The following FANCI variants were observed in gnomAD, a reference collection of about 807,000 sequenced individuals.
FANCI encodes the protein FA complementation group I, also known as Fanconi anemia group I protein.
FANCI carries 156 observed loss-of-function variants against 176.1 expected under a neutral mutation model. That is an observed-to-expected ratio of 0.89 (90% confidence interval 0.78 to 1.01). The LOEUF (loss-of-function observed/expected upper bound fraction) is 1.01. FANCI is among the 50% of genes least tolerant of loss of function. The pLI is 0.00. For synonymous variants in FANCI, 613 were observed against 541.7 expected (o/e 1.13, Z -1.83); for missense variants, 1,678 against 1,534.1 (o/e 1.09, Z -1.57).
intron 16 of FANCI, chr15:89,282,866 T>C: frequency 2.2e-6 from 1 of 446,186 alleles, no homozygotes; most frequent in Non-Finnish European, 4.2e-6. Context: ...CTCAGCAGTC[T>C]TCTTATTCCT....
At chr15:89,304,822 G>A (rs1430719421) in intron 28 of FANCI, among the ~76,000 whole-genome samples, 1 of 151,866 alleles carries the variant, frequency 6.6e-6, no homozygotes, top group Non-Finnish European at 1.5e-5. Context: ...TGTTGCCCAG[G>A]CAGGAATGCA....
In FANCI at chr15:89,314,594, T is replaced by TA; in HGVS notation, c.3721-17dup. 6.3e-7 allele frequency: 1 copy of TA among 1,590,946 alleles called. No individual in the cohort carries two copies. Among genetic ancestry groups the TA allele is most frequent in the East Asian group, 2.2e-5 (1 of 44,776 alleles). On this transcript the variant is annotated splice_polypyrimidine_tract_variant and intron_variant, in intron 35 of 37. Transcript: ENST00000310775. ...ACCATTGAACCTGAAATTTAAGTCTTATGTTCTTTGCCCTTAGGCCAGAGT... is the reference window on the plus strand; with the variant it reads ...ACCATTGAACCTGAAATTTAAGTCTTAATGTTCTTTGCCCTTAGGCCAGAGT...
At chr15:89,304,043 C>T in intron 28 of FANCI, 128 bp downstream of exon 28, 2 of 845,260 alleles carry the variant, frequency 2.4e-6, no homozygotes, top group East Asian at 2.6e-5. Context: ...AAACAGACAC[C>T]TAATACCAAG....
At chr15:89,282,637 C>T (rs927835484) in intron 16 of FANCI, 2 of 196,600 alleles carry the variant, frequency 1.0e-5, no homozygotes, top group Non-Finnish European at 2.1e-5. Flanking sequence ...AAAGGCATAG[C>T]GAATAGACTG....
In FANCI at chr15:89,305,768, A is replaced by G. The variant is rs2054695044; in HGVS notation, c.3349+70A>G. On this transcript the variant is annotated intron_variant, in intron 31 of 37. Transcript: ENST00000310775. ...GTCAAAATTCATATTGGGTCGGTGCATAAAAATGGAGCCCCTGAGCTAAAT... is the reference window on the plus strand; with the variant it reads ...GTCAAAATTCATATTGGGTCGGTGCGTAAAAATGGAGCCCCTGAGCTAAAT... The G allele has an allele frequency of 8.1e-6, 12 of 1,477,556 alleles. 1 individual carries two copies. In the South Asian group the frequency reaches 1.0e-4, roughly 13 times the overall value. 91.5% of individuals were successfully genotyped at this position (1,477,556 alleles called of 1,614,324 possible).
At chr15:89,257,333 T>C (rs138006711) in intron 2 of FANCI, among the ~76,000 whole-genome samples, 39 of 152,234 alleles carry the variant, frequency 2.6e-4, no homozygotes, top group African/African-American at 9.4e-4. Context: ...GTGCTAGGGC[T>C]GCTGTTACAA....
At chr15:89,260,564 G>A in intron 3 of FANCI, 149 bp from the exon 4 acceptor site, 1 of 969,708 alleles carries the variant, frequency 1.0e-6, no homozygotes. Flanking sequence ...CTTTTTCAAA[G>A]CCCTTAACCA....
At chr15:89,264,673 C>T in intron 9 of FANCI, 66 bp downstream of exon 9, 2 of 1,458,424 alleles carry the variant, frequency 1.4e-6, no homozygotes, top group Non-Finnish European at 1.9e-6. Context: ...TGTATTTTAG[C>T]TATTTCATTT....
At position 89,276,690 on chromosome 15, in the gene FANCI, C is replaced by T. The variant is rs756752084; in HGVS notation, c.1113-21C>T. ...ATCTCACTAAGTTTTTCTTTTTTAACTAAGCTTTGTGTTCTTGTAGCGTTC... is the reference window on the plus strand; with the variant it reads ...ATCTCACTAAGTTTTTCTTTTTTAATTAAGCTTTGTGTTCTTGTAGCGTTC... On this transcript the variant is annotated intron_variant, in intron 12 of 37. Transcript: ENST00000310775. The T allele has an allele frequency of 3.7e-6, 6 of 1,613,994 alleles. No homozygotes were observed. In the South Asian group the frequency reaches 6.6e-5, roughly 18 times the overall value.
chr15:89,312,819 A>T, intron 34 of FANCI, 85 bp from the exon 35 acceptor site: 3 of 731,146 alleles, frequency 4.1e-6, no homozygotes, highest in Non-Finnish European at 5.7e-6. Context: ...TCTGTCTTAA[A>T]AAAAAAAAAA....
At chr15:89,252,279 A>C (rs1200799962) in intron 2 of FANCI, among the ~76,000 whole-genome samples, 1 of 151,770 alleles carries the variant, frequency 6.6e-6, no homozygotes, top group Non-Finnish European at 1.5e-5. Context: ...CAACCTGGGT[A>C]AACAAAGTGA....
chr15:89,291,039 G>C (rs975752446), intron 19 of FANCI, among the ~76,000 whole-genome samples: 2 of 152,106 alleles, frequency 1.3e-5, no homozygotes, highest in Non-Finnish European at 2.9e-5. Context: ...TATGTTTGAA[G>C]GCATAGAATA....
downstream of FANCI, chr15:89,317,244 T>C (rs1567183669): frequency 2.5e-6 from 2 of 787,194 alleles, no homozygotes; most frequent in Non-Finnish European, 4.4e-6. Context: ...CCTTATAAAC[T>C]GAAATTAGCC....
chr15:89,295,805 G>A (rs1217046320), intron 24 of FANCI, among the ~76,000 whole-genome samples: 1 of 138,768 alleles, frequency 7.2e-6, no homozygotes, highest in African/African-American at 2.8e-5. Flanking sequence ...AGAGAGTCTC[G>A]CTCTATTGCC....
In FANCI at chr15:89,283,149, C is replaced by T. The variant is rs1347292940; in HGVS notation, c.1597C>T (p.Arg533Ter). 15 of 1,613,920 alleles carry T rather than the reference C, an allele frequency of 9.3e-6. No individual in the cohort carries two copies. The highest frequency in any genetic ancestry group is 2.7e-5 in the African/African-American group (2 of 74,888). Residue 533 changes from arginine to a stop codon, truncating the protein, a stop_gained, in exon 17 of 38, where the codon CGA becomes TGA. Coordinates refer to ENST00000310775, the MANE Select transcript of FANCI (RefSeq NM_001113378.2). LOFTEE classifies it high-confidence loss of function. ...KAMFANQLDA[R>*]KSAVAGFLLL... ...TTTCTGAGCTAGCCAGCTTGATGCC[C>T]GAAAATCTGCAGTTGCTGGGTTTTT... is the stretch of plus-strand genomic sequence containing the variant.
chr15:89,300,028 A>T, intron 25 of FANCI, 62 bp downstream of exon 25: 2 of 1,572,582 alleles, frequency 1.3e-6, no homozygotes, highest in South Asian at 2.2e-5. Context: ...CAACCCCTTA[A>T]TTCCATTTGT....
In FANCI at chr15:89,292,929, TTG is replaced by T. The variant is rs367677389; in HGVS notation, c.2170-9_2170-8del. 7.4e-6 allele frequency: 12 copies of T among 1,614,138 alleles called. No individual in the cohort carries two copies. In the African/African-American group the frequency reaches 1.6e-4, roughly 22 times the overall value. On this transcript the variant is annotated splice_polypyrimidine_tract_variant and intron_variant, in intron 21 of 37. Coordinates refer to ENST00000310775, the MANE Select transcript of FANCI (RefSeq NM_001113378.2). ...CTTTAGTAGCTTGTTAATTTTTATC[TTG>T]TGTCTTTTAGGATAAATCAGCAGAT...
At chr15:89,249,853 G>A (rs1174686031) in intron 2 of FANCI, among the ~76,000 whole-genome samples, 3 of 151,968 alleles carry the variant, frequency 2.0e-5, no homozygotes, top group African/African-American at 7.3e-5. Context: ...GTAAAGAGGT[G>A]GAAAATATAA....
chr15:89,276,092 A>C (rs1048172859), intron 12 of FANCI, among the ~76,000 whole-genome samples: 1 of 152,236 alleles, frequency 6.6e-6, no homozygotes, highest in African/African-American at 2.4e-5. Context: ...TAACAGGTAG[A>C]TATAATGGAT....
Sources: gnomAD v4.1 joint callset for allele counts (sites outside exome capture counted in the v4.1 genomes callset) on GRCh38, gnomAD v4.1.1 for gene constraint, MANE v1.5 for transcripts, NCBI Gene and HGNC (gene_info 2026-07-23, HGNC 2026-07-21) for gene names.